The following NUP62CL variants were observed in gnomAD, a reference collection of about 807,000 sequenced individuals.
NUP62CL encodes nucleoporin-62 C-terminal-like protein.
A neutral mutation model predicts 15.3 loss-of-function variants in NUP62CL; 13 were observed. The ratio of observed to expected loss-of-function variants is 0.85; its 90% CI spans 0.55 to 1.35. The LOEUF (loss-of-function observed/expected upper bound fraction) is 1.35, where lower values mean the gene tolerates loss of function less well. NUP62CL is among the 40% of genes most tolerant of loss of function. The pLI, the probability that NUP62CL is intolerant of heterozygous loss-of-function variation, is 0.00. For synonymous variants in NUP62CL, 54 were observed against 49.2 expected, an observed-to-expected ratio of 1.10 and a Z score of -0.41; for missense variants, 123 against 130.6, an observed-to-expected ratio of 0.94 and a Z score of 0.28.
rs2071320371 is a variant in NUP62CL at position 107,206,417 on chromosome X, T to C, written c.-236A>G. 9.1e-6 allele frequency: 1 copy of C among 109,603 alleles called. No individual in the cohort carries two copies. The highest frequency in any genetic ancestry group is 1.9e-5 in the Non-Finnish European group (1 of 52,595). 9.0% of individuals were successfully genotyped at this position (109,603 alleles called of 1,213,427 possible). A position where few individuals can be genotyped will look rare whatever the true frequency, so the allele number is the denominator to read the frequency against. ...CTTAGTGGGCAGGTTCCCGCTGAAG[T>C]GAAGCTAACCGAGACTGAGGCTTAA... On this transcript the variant is annotated 5_prime_UTR_variant, in exon 1 of 9. Coordinates refer to ENST00000372466, the MANE Select transcript of NUP62CL (RefSeq NM_017681.3).
chrX:107,138,116 AG>A (rs765058981), intron 8 of NUP62CL, among the ~76,000 whole-genome samples: 35 of 111,678 alleles, frequency 3.1e-4, no homozygotes, highest in Non-Finnish European at 5.7e-4. Context: ...GGATATTTGT[AG>A]GAAAAAAAAG....
chrX:107,201,510 C>T (rs755244662), intron 1 of NUP62CL, among the ~76,000 whole-genome samples: 1 of 110,329 alleles, frequency 9.1e-6, no homozygotes, highest in Non-Finnish European at 1.9e-5. Flanking sequence ...AAATGTCCAA[C>T]AGCAATAACG....
intron 1 of NUP62CL, among the ~76,000 whole-genome samples, chrX:107,204,442 T>G (rs758921847): frequency 8.1e-5 from 9 of 111,214 alleles, no homozygotes; most frequent in Non-Finnish European, 1.5e-4. Flanking sequence ...TTCCTCTACC[T>G]GGGGAAAACA....
At chrX:107,131,597 C>T (rs374014476) in intron 8 of NUP62CL, 1 of 442,229 alleles carries the variant, frequency 2.3e-6, no homozygotes, top group Non-Finnish European at 4.0e-6. Context: ...ATGGCAGCTC[C>T]GCGTCGCCAG....
At chrX:107,193,735 A>T (rs1927301053) in intron 1 of NUP62CL, among the ~76,000 whole-genome samples, 1 of 111,270 alleles carries the variant, frequency 9.0e-6, no homozygotes, top group Admixed American at 9.6e-5. Flanking sequence ...AAGATATACA[A>T]AACATCTAAG....
rs1184353710 is a variant in NUP62CL at position 107,131,964 on chromosome X, AGAG to A, written c.*43-7635_*43-7633del. 9.8e-6 allele frequency: 10 copies of A among 1,022,015 alleles called. No individual in the cohort carries two copies. In the African/African-American group the frequency reaches 1.9e-4, roughly 19 times the overall value. The allele number at this position is 1,022,015 out of a possible 1,213,427, so 84.2% of individuals were successfully genotyped here. A position where few individuals can be genotyped will look rare whatever the true frequency, so the allele number is the denominator to read the frequency against. On this transcript the variant is annotated intron_variant, in intron 8 of 8. Coordinates refer to ENST00000372466, the MANE Select transcript of NUP62CL (RefSeq NM_017681.3). Reference sequence around the variant, plus strand: ...TCAGCATGACAAGAACTCTTCTGACAGAGAAGAAGGAAGGAGAAGAAAACATAG... The same window carrying A: ...TCAGCATGACAAGAACTCTTCTGACAAAGAAGGAAGGAGAAGAAAACATAG...
At chrX:107,176,211 T>G (rs1318913785) in intron 2 of NUP62CL, among the ~76,000 whole-genome samples, 2 of 111,282 alleles carry the variant, frequency 1.8e-5, no homozygotes, top group Admixed American at 1.9e-4. Flanking sequence ...AATGGAGATT[T>G]GGGAGGTAAA....
At chrX:107,174,423 G>A (rs1470211166) in intron 3 of NUP62CL, among the ~76,000 whole-genome samples, 2 of 110,375 alleles carry the variant, frequency 1.8e-5, no homozygotes, top group Admixed American at 1.9e-4. Context: ...AAAATGCTAG[G>A]ATTACAGGCA....
At chrX:107,153,066 G>A (rs1180996490) in intron 7 of NUP62CL, 106 bp downstream of exon 7, 23 of 719,747 alleles carry the variant, frequency 3.2e-5, no homozygotes, top group African/African-American at 1.6e-4. Context: ...CCTTTCTACC[G>A]ATTTGTATTC....
chrX:107,204,366 T>C (rs41368847), intron 1 of NUP62CL, among the ~76,000 whole-genome samples: 4,122 of 111,446 alleles, frequency 0.037, 208 homozygotes, highest in African/African-American at 0.13. Context: ...ATTTCCGACA[T>C]TGTTCAGGGA....
chrX:107,168,329 AT>A (rs1926563412), intron 3 of NUP62CL, among the ~76,000 whole-genome samples: 1 of 111,163 alleles, frequency 9.0e-6, no homozygotes, highest in Non-Finnish European at 1.9e-5. Context: ...AAGAGTGCCT[AT>A]TTCTTTATAC....
intron 8 of NUP62CL, among the ~76,000 whole-genome samples, chrX:107,133,500 G>GT (rs770086746): frequency 1.7e-4 from 19 of 110,768 alleles, no homozygotes; most frequent in Admixed American, 4.8e-4. Flanking sequence ...ATGCCTGGCT[G>GT]TTTTTTTACA....
chrX:107,174,445 G>A (rs1167973304), intron 3 of NUP62CL, among the ~76,000 whole-genome samples: 2 of 110,815 alleles, frequency 1.8e-5, no homozygotes, highest in Non-Finnish European at 1.9e-5. Flanking sequence ...AAGCCACTGA[G>A]CCTGGCCTGA....
At chrX:107,186,592 T>C (rs1302432815) in intron 2 of NUP62CL, among the ~76,000 whole-genome samples, 1 of 111,909 alleles carries the variant, frequency 8.9e-6, no homozygotes, top group African/African-American at 3.2e-5. Flanking sequence ...AATTATATAG[T>C]AGTAAAAAAT....
chrX:107,188,264 A>G (rs1405211332), intron 2 of NUP62CL, among the ~76,000 whole-genome samples: 4 of 111,916 alleles, frequency 3.6e-5, no homozygotes, highest in African/African-American at 1.3e-4. Flanking sequence ...TACCATGACA[A>G]GTGGGATTTA....
intron 2 of NUP62CL, among the ~76,000 whole-genome samples, chrX:107,179,922 CCATT>C (rs1482710674): frequency 9.1e-6 from 1 of 109,927 alleles, no homozygotes; most frequent in African/African-American, 3.4e-5. Flanking sequence ...CCCCAGTTTG[CCATT>C]CAGTTTTTAT....
intron 2 of NUP62CL, among the ~76,000 whole-genome samples, chrX:107,178,558 A>G (rs1334878337): frequency 8.9e-6 from 1 of 112,134 alleles, no homozygotes; most frequent in Non-Finnish European, 1.9e-5. Flanking sequence ...ACTCTAACAC[A>G]TAATTACAGA....
intron 2 of NUP62CL, among the ~76,000 whole-genome samples, chrX:107,189,890 AAAGAAAGAAAG>A (rs1927183346): frequency 5.9e-5 from 5 of 84,273 alleles, no homozygotes; most frequent in African/African-American, 9.7e-5. Flanking sequence ...AGAAAGAAAG[AAAGAAAGAAAG>A]AAAGAAAGAA....
intron 3 of NUP62CL, among the ~76,000 whole-genome samples, chrX:107,171,472 A>G (rs1926649106): frequency 8.9e-6 from 1 of 112,021 alleles, no homozygotes; most frequent in Admixed American, 9.5e-5. Flanking sequence ...GGAGGCCTCA[A>G]AATCATGACA....
Sources: gnomAD v4.1 joint callset for allele counts (sites outside exome capture counted in the v4.1 genomes callset) on GRCh38, gnomAD v4.1.1 for gene constraint, MANE v1.5 for transcripts, NCBI Gene and HGNC (gene_info 2026-07-23, HGNC 2026-07-21) for gene names.